Variants in NECTIN2 observed in about 807,000 individuals in gnomAD.
The protein encoded by NECTIN2 is nectin cell adhesion molecule 2, also known as nectin-2.
A neutral mutation model predicts 56.9 loss-of-function variants in NECTIN2; 23 were observed. The observed-to-expected ratio is 0.40, with a 90% CI of 0.29 to 0.57. The LOEUF is 0.57. Ranked by LOEUF, NECTIN2 falls within the 20% of genes least tolerant of loss-of-function variation. The probability of loss-of-function intolerance (pLI) is 0.38; values close to 1 mark genes in which losing one functional copy is unlikely to be tolerated. For missense variants in NECTIN2, 587 were observed against 718.3 expected, an observed-to-expected ratio of 0.82 and a Z score of 2.09; for synonymous variants, 302 against 313.8, an observed-to-expected ratio of 0.96 and a Z score of 0.40.
intron 5 of NECTIN2, chr19:44,878,392 C>CG: frequency 6.4e-7 from 1 of 1,558,456 alleles, no homozygotes; most frequent in Non-Finnish European, 8.7e-7. Context: ...CCAGTGGCGA[C>CG]GGGGGATTCT....
In NECTIN2 at chr19:44,879,041, C is replaced by T. The variant is rs1009963153; in HGVS notation, c.1043-3170C>T. 1.1e-5 allele frequency: 6 copies of T among 522,678 alleles called. No individual in the cohort carries two copies. In the East Asian group the frequency reaches 4.1e-4, roughly 36 times the overall value. 32.4% of individuals were successfully genotyped at this position (522,678 alleles called of 1,614,324 possible). A position where few individuals can be genotyped will look rare whatever the true frequency, so the allele number is the denominator to read the frequency against. ...CCCAGGGCTGGGAAGAGCTGATCCA[C>T]GCCCCCGGGGAACGAGAGCCTGGCA... On this transcript the variant is annotated intron_variant, in intron 5 of 8. Coordinates refer to ENST00000252483, the MANE Select transcript of NECTIN2 (RefSeq NM_001042724.2).
intron 2 of NECTIN2, among the ~76,000 whole-genome samples, chr19:44,869,757 GT>G (rs558038882): frequency 5.2e-4 from 79 of 152,082 alleles, no homozygotes; most frequent in Admixed American, 1.1e-3. Context: ...TTGTTTGTTT[GT>G]TTGTTTCTTG....
At chr19:44,853,495 CT>C (rs199956232) in intron 1 of NECTIN2, among the ~76,000 whole-genome samples, 54 of 135,216 alleles carry the variant, frequency 4.0e-4, no homozygotes, top group Middle Eastern at 4.4e-3. Context: ...ACAGCTGGCC[CT>C]TTTTTTTTTT....
rs55694229 is a variant in NECTIN2 at position 44,888,325 on chromosome 19, C to G, written c.1563C>G (p.Pro521=). Residue 521 remains proline, a synonymous_variant, in exon 9 of 9, where the codon CCC becomes CCG. Coordinates refer to ENST00000252483, the MANE Select transcript of NECTIN2 (RefSeq NM_001042724.2). ...PIYDALSYSS[P]SDSYQGKGFV... ...ATGATGCTCTGTCCTATAGCAGCCC[C>G]TCTGATTCCTACCAGGGCAAAGGCT... 6.2e-7 allele frequency: 1 copy of G among 1,613,912 alleles called. No individual in the cohort carries two copies. The highest frequency in any genetic ancestry group is 1.3e-5 in the African/African-American group (1 of 75,012).
In NECTIN2 at chr19:44,865,184, G is replaced by A. The variant is rs953904266; in HGVS notation, c.89-87G>A. 1.5e-5 allele frequency: 21 copies of A among 1,416,820 alleles called. No homozygotes were observed. The highest frequency in any genetic ancestry group is 7.1e-5 in the South Asian group (5 of 70,278). 87.8% of individuals were successfully genotyped at this position (1,416,820 alleles called of 1,614,324 possible). A position where few individuals can be genotyped will look rare whatever the true frequency, so the allele number is the denominator to read the frequency against. ...GTTGCATGCGGAGCCTGCATTTCCCGTGGGGCCCCCTTCGTGGTGGCCCTG... is the reference window on the plus strand; with the variant it reads ...GTTGCATGCGGAGCCTGCATTTCCCATGGGGCCCCCTTCGTGGTGGCCCTG... On this transcript the variant is annotated intron_variant, in intron 1 of 8. Transcript: ENST00000252483. The surrounding 1 kb of genome is among the most constrained non-coding windows in gnomAD (Gnocchi z 5.2).
At chr19:44,861,272 A>T (rs780225566) in intron 1 of NECTIN2, among the ~76,000 whole-genome samples, 1 of 152,236 alleles carries the variant, frequency 6.6e-6, no homozygotes, top group Non-Finnish European at 1.5e-5. Context: ...TAGAACTACC[A>T]TTTGGTCCAG....
chr19:44,883,505 C>T (rs997362524), intron 6 of NECTIN2, among the ~76,000 whole-genome samples: 3 of 152,150 alleles, frequency 2.0e-5, no homozygotes, highest in Non-Finnish European at 4.4e-5. Flanking sequence ...GAACTCCTGA[C>T]CTCAAGTGAT....
In NECTIN2 at chr19:44,874,574, C is replaced by T. The variant is rs781366420; in HGVS notation, c.1042+96C>T. Reference sequence around the variant, plus strand: ...GGGGCTGCACTGGGGGAGGCTGCGCCGCCGACCTGGGAGGGATGCAGACCT... The same window carrying T: ...GGGGCTGCACTGGGGGAGGCTGCGCTGCCGACCTGGGAGGGATGCAGACCT... On this transcript the variant is annotated intron_variant, in intron 5 of 8. Coordinates refer to ENST00000252483, the MANE Select transcript of NECTIN2 (RefSeq NM_001042724.2). The surrounding 1 kb of genome is among the most constrained non-coding windows in gnomAD (Gnocchi z 6.3). The T allele has an allele frequency of 6.5e-5, 97 of 1,494,802 alleles. No homozygotes were observed. Among genetic ancestry groups the T allele is most frequent in the Admixed American group, 6.2e-4 (35 of 56,302 alleles). 92.6% of individuals were successfully genotyped at this position (1,494,802 alleles called of 1,614,324 possible).
rs113486190 is a variant in NECTIN2 at position 44,873,284 on chromosome 19, C to T, written c.776-632C>T. Among the ~76,000 whole-genome samples the T allele has an allele frequency of 3.7e-3, 563 of 152,268 alleles. 3 individuals carry two copies. Among genetic ancestry groups the T allele is most frequent in the African/African-American group, 0.013 (545 of 41,568 alleles). ...AGCCTCGTCTGTGCCACTTTCCTCC[C>T]GGGACCTACACTGGTTGCCCAAACC... On this transcript the variant is annotated intron_variant, in intron 3 of 8. Coordinates refer to ENST00000252483, the MANE Select transcript of NECTIN2 (RefSeq NM_001042724.2).
In NECTIN2 at chr19:44,882,244, G is replaced by A. The variant is rs897853339; in HGVS notation, c.1076G>A (p.Gly359Asp). 3.2e-6 allele frequency: 5 copies of A among 1,539,716 alleles called. No homozygotes were observed. The highest frequency in any genetic ancestry group is 4.4e-6 in the Non-Finnish European group (5 of 1,140,426). ...TPNTAGAGATGGIIGGIIAAI... is the reference protein window; with the variant it reads ...TPNTAGAGATDGIIGGIIAAI... Reference sequence around the variant, plus strand: ...AACACAGCAGGCGCAGGGGCCACAGGCGGCATCATCGGGGGCATCATCGCC... The same window carrying A: ...AACACAGCAGGCGCAGGGGCCACAGACGGCATCATCGGGGGCATCATCGCC... Residue 359 changes from glycine (G) to aspartate (D), a missense_variant, in exon 6 of 9, where the codon GGC becomes GAC. Gly to Asp is a moderately conservative substitution (Grantham distance 94). Transcript: ENST00000252483.
chr19:44,869,953 T>TA (rs1396961404), intron 2 of NECTIN2, among the ~76,000 whole-genome samples: 70 of 143,780 alleles, frequency 4.9e-4, no homozygotes, highest in East Asian at 1.0e-3. Context: ...CTCAAATTAA[T>TA]AAAAAAAAAA....
rs886978209 is a variant in NECTIN2 at position 44,888,717 on chromosome 19, G to A, written c.*338G>A. On this transcript the variant is annotated 3_prime_UTR_variant, in exon 9 of 9. Transcript: ENST00000252483. Reference sequence around the variant, plus strand: ...TCGACTCCCCCAAAATCACAAAGAAGACCCTAGACCTATAATTTGTCTTCA... The same window carrying A: ...TCGACTCCCCCAAAATCACAAAGAAAACCCTAGACCTATAATTTGTCTTCA... 1.9e-4 allele frequency: 54 copies of A among 284,480 alleles called. 1 individual carries two copies. The highest frequency in any genetic ancestry group is 3.4e-4 in the Non-Finnish European group (51 of 148,598). The allele number at this position is 284,480 out of a possible 1,614,324, so 17.6% of individuals were successfully genotyped here. A position where few individuals can be genotyped will look rare whatever the true frequency, so the allele number is the denominator to read the frequency against.
chr19:44,850,241 T>C (rs1968884479), intron 1 of NECTIN2, among the ~76,000 whole-genome samples: 1 of 151,554 alleles, frequency 6.6e-6, no homozygotes, highest in Non-Finnish European at 1.5e-5. Flanking sequence ...ACCCTGGGAA[T>C]TGGAGACACA....
intron 6 of NECTIN2, among the ~76,000 whole-genome samples, chr19:44,882,917 G>A (rs1969324167): frequency 6.6e-6 from 1 of 151,574 alleles, no homozygotes; most frequent in African/African-American, 2.4e-5. Flanking sequence ...GAGTAGCTGG[G>A]AATACAGGCG....
intron 8 of NECTIN2, 89 bp from the exon 9 acceptor site, chr19:44,888,021 C>T (rs1568601906): frequency 7.9e-6 from 11 of 1,391,640 alleles, no homozygotes; most frequent in Non-Finnish European, 1.1e-5. Context: ...GGGGAGAGAG[C>T]GGTCAGGATT....
intron 5 of NECTIN2, among the ~76,000 whole-genome samples, chr19:44,880,175 A>C (rs920028112): frequency 1.3e-4 from 20 of 151,612 alleles, no homozygotes; most frequent in African/African-American, 4.9e-4. Flanking sequence ...TGTTGTCTGT[A>C]CTCACCCACC....
intron 6 of NECTIN2, 64 bp from the exon 7 acceptor site, chr19:44,885,873 T>C (rs1210350542): frequency 3.7e-6 from 5 of 1,365,724 alleles, no homozygotes; most frequent in South Asian, 1.2e-5. Context: ...GCATGTGCCA[T>C]AACCCCGGAG....
In NECTIN2 at chr19:44,874,979, C is replaced by T. The variant is rs371150896; in HGVS notation, c.1042+501C>T. Reference sequence around the variant, plus strand: ...ACTGCAGGGCCACACACCTAGAGCGCGGCCGGGACTGTTAACAGAGCCATG... The same window carrying T: ...ACTGCAGGGCCACACACCTAGAGCGTGGCCGGGACTGTTAACAGAGCCATG... On this transcript the variant is annotated intron_variant, in intron 5 of 8. Transcript: ENST00000252483. The surrounding 1 kb of genome is among the most constrained non-coding windows in gnomAD (Gnocchi z 6.3). Among the ~76,000 whole-genome samples the T allele has an allele frequency of 2.0e-5, 3 of 152,252 alleles. No individual in the cohort carries two copies. The highest frequency in any genetic ancestry group is 4.8e-5 in the African/African-American group (2 of 41,540).
chr19:44,881,677 A>T (rs1451406857), intron 5 of NECTIN2, among the ~76,000 whole-genome samples: 3 of 152,212 alleles, frequency 2.0e-5, no homozygotes, highest in Non-Finnish European at 4.4e-5. Flanking sequence ...ACAAAGCGAG[A>T]CCGTCTCAAA....
Sources: allele counts gnomAD v4.1 joint callset (sites outside exome capture counted in the v4.1 genomes callset), GRCh38; gene constraint gnomAD v4.1.1; non-coding constraint Gnocchi (gnomAD v3.1); transcripts MANE v1.5; gene names NCBI Gene and HGNC (gene_info 2026-07-23, HGNC 2026-07-21).